Variants in HIVEP2 observed in about 807,000 individuals in gnomAD.
The protein encoded by HIVEP2 is HIVEP zinc finger 2, also known as transcription factor HIVEP2.
A neutral mutation model predicts 180.7 loss-of-function variants in HIVEP2; 14 were observed. The observed-to-expected ratio is 0.08, with a 90% CI of 0.05 to 0.12. The LOEUF (loss-of-function observed/expected upper bound fraction) is 0.12, where lower values mean the gene tolerates loss of function less well. Among genes scored for constraint, HIVEP2 ranks in the 10% least tolerant of loss-of-function variants. HIVEP2 has a pLI of 1.00. For synonymous variants in HIVEP2, 1,184 were observed against 1,136.4 expected (o/e 1.04, Z -0.84); for missense variants, 2,579 against 3,008.5 (o/e 0.86, Z 3.34).
intron 2 of HIVEP2, among the ~76,000 whole-genome samples, chr6:142,815,613 C>A (rs1776812798): frequency 1.3e-5 from 2 of 152,116 alleles, no homozygotes; most frequent in Admixed American, 1.3e-4. Context: ...GGCATGGTGG[C>A]TCAGGAAGCC....
chr6:142,920,688 A>T (rs2128434116), intron 1 of HIVEP2, among the ~76,000 whole-genome samples: 2 of 152,356 alleles, frequency 1.3e-5, no homozygotes, highest in East Asian at 3.9e-4. Context: ...TGGATTAAAA[A>T]TTTATTAATC....
intron 1 of HIVEP2, among the ~76,000 whole-genome samples, chr6:142,917,128 T>C (rs573325951): frequency 6.6e-6 from 1 of 152,340 alleles, no homozygotes; most frequent in African/African-American, 2.4e-5. Flanking sequence ...TCAAAGGTGA[T>C]TAGTTGATAA....
intron 1 of HIVEP2, among the ~76,000 whole-genome samples, chr6:142,880,964 C>T (rs1438647002): frequency 6.6e-6 from 1 of 152,180 alleles, no homozygotes; most frequent in Non-Finnish European, 1.5e-5. Flanking sequence ...CTCTAGTACT[C>T]AGTTTGGATC....
At chr6:142,802,526 GA>G (rs112222829) in intron 2 of HIVEP2, among the ~76,000 whole-genome samples, 2,147 of 142,022 alleles carry the variant, frequency 0.015, 56 homozygotes, top group African/African-American at 0.046. Context: ...AGTAATAAAG[GA>G]AAAAAAAAAA....
intron 1 of HIVEP2, among the ~76,000 whole-genome samples, chr6:142,888,325 C>T (rs1776761596): frequency 6.6e-6 from 1 of 152,042 alleles, no homozygotes; most frequent in African/African-American, 2.4e-5. Flanking sequence ...TGGGGTCTCA[C>T]CACATTGCCA....
intron 1 of HIVEP2, among the ~76,000 whole-genome samples, chr6:142,885,480 A>G (rs1471605063): frequency 1.3e-5 from 2 of 152,156 alleles, no homozygotes; most frequent in Non-Finnish European, 2.9e-5. Context: ...CGCTGAGGTC[A>G]CAGATAAAGC....
intron 1 of HIVEP2, among the ~76,000 whole-genome samples, chr6:142,910,774 G>C (rs191914028): frequency 1.3e-5 from 2 of 152,088 alleles, no homozygotes; most frequent in African/African-American, 4.8e-5. Flanking sequence ...TCAGATCACC[G>C]GCAGCAGAAT....
intron 3 of HIVEP2, among the ~76,000 whole-genome samples, 195 bp downstream of exon 3, chr6:142,783,326 C>CAAAAAAAAAAAAAAAAAAAAAAAA (rs567202980): frequency 1.4e-5 from 1 of 71,070 alleles, no homozygotes; most frequent in African/African-American, 5.7e-5. Context: ...GACTCCGTCA[C>CAAAAAAAAAAAAAAAAAAAAAAAA]AAAAAAAAAA....
At chr6:142,796,124 T>C (rs1385847474) in intron 2 of HIVEP2, among the ~76,000 whole-genome samples, 1 of 152,118 alleles carries the variant, frequency 6.6e-6, no homozygotes, top group Non-Finnish European at 1.5e-5. Flanking sequence ...TATTGCTGAA[T>C]AAGGAAACCC....
rs1027800815 is a variant in HIVEP2 at position 142,751,880 on chromosome 6, A to G, written c.*1227T>C. ...TTCCCATGTAAACCGGCTGACAGGA[A>G]GAGCTGGGGAGCAGGTCTCCATCTC... is the stretch of plus-strand genomic sequence containing the variant. On this transcript the variant is annotated 3_prime_UTR_variant, in exon 10 of 10. Coordinates refer to ENST00000367603, the MANE Select transcript of HIVEP2 (RefSeq NM_006734.4). 6.5e-6 allele frequency: 1 copy of G among 152,840 alleles called. No individual in the cohort carries two copies. Among genetic ancestry groups the G allele is most frequent in the African/African-American group, 2.4e-5 (1 of 41,434 alleles). 9.5% of individuals were successfully genotyped at this position (152,840 alleles called of 1,614,324 possible).
At chr6:142,867,533 C>A (rs1776170821) in intron 1 of HIVEP2, among the ~76,000 whole-genome samples, 1 of 152,144 alleles carries the variant, frequency 6.6e-6, no homozygotes, top group African/African-American at 2.4e-5. Context: ...TCTGACTCTT[C>A]CTCCACCCAC....
chr6:142,895,897 T>A (rs1424622444), intron 1 of HIVEP2, among the ~76,000 whole-genome samples: 1 of 152,196 alleles, frequency 6.6e-6, no homozygotes, highest in Non-Finnish European at 1.5e-5. Context: ...CATTTTCATA[T>A]AAAACCTGAC....
chr6:142,936,250 T>C (rs559671378), intron 1 of HIVEP2, among the ~76,000 whole-genome samples: 2 of 151,574 alleles, frequency 1.3e-5, no homozygotes, highest in African/African-American at 4.8e-5. Flanking sequence ...TGGAGTGCGG[T>C]GGGGCGATCT....
At chr6:142,800,553 G>A (rs1776378577) in intron 2 of HIVEP2, among the ~76,000 whole-genome samples, 1 of 152,148 alleles carries the variant, frequency 6.6e-6, no homozygotes, top group Admixed American at 6.6e-5. Context: ...TCTGCTTAGA[G>A]TGATAAGTAT....
At chr6:142,757,030 G>A (rs1374400518) in intron 9 of HIVEP2, among the ~76,000 whole-genome samples, 1 of 152,114 alleles carries the variant, frequency 6.6e-6, no homozygotes, top group Non-Finnish European at 1.5e-5. Flanking sequence ...GTATATGTGT[G>A]CATACATATA....
chr6:142,909,516 A>C (rs1363575504), intron 1 of HIVEP2, among the ~76,000 whole-genome samples: 1 of 152,194 alleles, frequency 6.6e-6, no homozygotes, highest in African/African-American at 2.4e-5. Context: ...GGAATGAATG[A>C]ATATATATTA....
At chr6:142,924,482 T>C (rs962704564) in intron 1 of HIVEP2, among the ~76,000 whole-genome samples, 8 of 152,316 alleles carry the variant, frequency 5.3e-5, no homozygotes, top group South Asian at 2.1e-4. Context: ...GTTTAAGATA[T>C]TTCAAATTGT....
intron 1 of HIVEP2, among the ~76,000 whole-genome samples, chr6:142,884,649 C>CAGGAAGAGAAAGAAG (rs1413281773): frequency 6.6e-6 from 1 of 151,788 alleles, no homozygotes; most frequent in Non-Finnish European, 1.5e-5. Flanking sequence ...AGGATAGAGA[C>CAGGAAGAGAAAGAAG]AGGAAGAGAA....
intron 2 of HIVEP2, among the ~76,000 whole-genome samples, chr6:142,789,767 T>TA (rs1169454182): frequency 2.6e-5 from 4 of 152,094 alleles, no homozygotes; most frequent in Admixed American, 6.6e-5. Flanking sequence ...AGTAAAGAAG[T>TA]AAAAAATGAA....
Sources: allele counts gnomAD v4.1 joint callset (sites outside exome capture counted in the v4.1 genomes callset), GRCh38; gene constraint gnomAD v4.1.1; transcripts MANE v1.5; gene names NCBI Gene and HGNC (gene_info 2026-07-23, HGNC 2026-07-21).